Variants in LTBP1 observed in about 807,000 individuals in gnomAD.
LTBP1 encodes the protein latent-transforming growth factor beta-binding protein 1.
LTBP1 carries 129 observed loss-of-function variants against 207.6 expected under a neutral mutation model. That is an observed-to-expected ratio of 0.62 (90% CI 0.54 to 0.72). LTBP1 has a LOEUF of 0.72. LTBP1 is among the 30% of genes least tolerant of loss of function. LTBP1 has a pLI of 0.00. For synonymous variants in LTBP1, 963 were observed against 833.7 expected (o/e 1.16, Z -2.67); for missense variants, 2,281 against 2,217.2 (o/e 1.03, Z -0.58).
At chr2:33,088,537 A>T (rs1441895210) in intron 3 of LTBP1, among the ~76,000 whole-genome samples, 1 of 152,178 alleles carries the variant, frequency 6.6e-6, no homozygotes, top group Non-Finnish European at 1.5e-5. Context: ...TGATTTGCAC[A>T]TGCTGACGCC....
At chr2:33,132,762 C>T (rs2081891239) in intron 4 of LTBP1, among the ~76,000 whole-genome samples, 1 of 152,198 alleles carries the variant, frequency 6.6e-6, no homozygotes, top group Non-Finnish European at 1.5e-5. Context: ...GGGCTTTCTC[C>T]TCCAGAGGAA....
chr2:33,392,389 G>T (rs556692678), intron 32 of LTBP1, among the ~76,000 whole-genome samples: 1 of 152,070 alleles, frequency 6.6e-6, no homozygotes, highest in African/African-American at 2.4e-5. Flanking sequence ...GTTTCACCAC[G>T]TTGGCCAGGG....
At chr2:33,125,428 C>T (rs914510419) in intron 4 of LTBP1, among the ~76,000 whole-genome samples, 3 of 152,076 alleles carry the variant, frequency 2.0e-5, no homozygotes, top group African/African-American at 4.8e-5. Context: ...CATTTAGTAT[C>T]GTCCATAATT....
intron 10 of LTBP1, among the ~76,000 whole-genome samples, chr2:33,247,039 C>T (rs904529331): frequency 5.9e-5 from 9 of 152,184 alleles, no homozygotes; most frequent in Admixed American, 4.6e-4. Context: ...GCAGGAACTT[C>T]AGAGCTCCAG....
At chr2:33,172,082 G>C in intron 5 of LTBP1, among the ~76,000 whole-genome samples, 1 of 152,146 alleles carries the variant, frequency 6.6e-6, no homozygotes, top group Non-Finnish European at 1.5e-5. Context: ...ATCGAGGCTA[G>C]GAAGAAACTG....
chr2:33,163,130 T>C (rs2084605110), intron 5 of LTBP1, among the ~76,000 whole-genome samples: 1 of 152,152 alleles, frequency 6.6e-6, no homozygotes, highest in South Asian at 2.1e-4. Flanking sequence ...TACAGGTGCA[T>C]GCCACCACGC....
intron 11 of LTBP1, among the ~76,000 whole-genome samples, chr2:33,255,043 C>T (rs1184240540): frequency 7.2e-6 from 1 of 138,830 alleles, no homozygotes; most frequent in Non-Finnish European, 1.5e-5. Flanking sequence ...CGTCATCTAG[C>T]ATTAGGTATA....
intron 5 of LTBP1, among the ~76,000 whole-genome samples, chr2:33,172,101 A>G (rs2085513526): frequency 6.6e-6 from 1 of 152,206 alleles, no homozygotes; most frequent in Non-Finnish European, 1.5e-5. Context: ...TGCATCAACT[A>G]ACGAGCAAAA....
At chr2:33,187,407 G>C (rs947000229) in intron 6 of LTBP1, among the ~76,000 whole-genome samples, 3 of 152,170 alleles carry the variant, frequency 2.0e-5, no homozygotes, top group African/African-American at 7.2e-5. Context: ...GCAAGACAGT[G>C]TTCTGGCCCT....
In LTBP1 at chr2:33,330,244, T is replaced by C. The variant is rs2123773; in HGVS notation, c.3731-12594T>C. Among the ~76,000 whole-genome samples, 58 of 152,222 alleles carry C rather than the reference T, an allele frequency of 3.8e-4. 1 individual carries two copies. The South Asian group carries it at 0.012, about 32-fold the overall frequency. On this transcript the variant is annotated intron_variant, in intron 24 of 33. Transcript: ENST00000404816. ...GTATCCATGACCTTGCTAAATCTGC[T>C]TGTTAATTCTAGCAGTTTATATGCA... is the stretch of plus-strand genomic sequence containing the variant.
At chr2:33,009,381 T>G (rs1042142029) in intron 2 of LTBP1, among the ~76,000 whole-genome samples, 3 of 152,186 alleles carry the variant, frequency 2.0e-5, no homozygotes, top group East Asian at 1.9e-4. Context: ...AATGTGAGCT[T>G]CTTTGGACAT....
In LTBP1 at chr2:33,052,724, T is replaced by A. The variant is rs140141573; in HGVS notation, c.863+31518T>A. 3.5e-3 allele frequency among the ~76,000 whole-genome samples: 532 copies of A among 152,334 alleles called. 4 individuals carry two copies. Among genetic ancestry groups the A allele is most frequent in the African/African-American group, 0.012 (507 of 41,576 alleles). On this transcript the variant is annotated intron_variant, in intron 3 of 33. Coordinates refer to ENST00000404816, the MANE Select transcript of LTBP1 (RefSeq NM_206943.4). ...ATGGAGGATTTCTCCCTTTTCACCC[T>A]TGTATTTATTTAATCGTTTAGTTGT...
chr2:33,019,643 C>G (rs1433753003), intron 2 of LTBP1, among the ~76,000 whole-genome samples: 1 of 149,470 alleles, frequency 6.7e-6, no homozygotes, highest in Non-Finnish European at 1.5e-5. Context: ...CCAGTAGCAT[C>G]TAAACTTCTA....
At chr2:33,010,515 A>T (rs928118032) in intron 2 of LTBP1, among the ~76,000 whole-genome samples, 1 of 152,140 alleles carries the variant, frequency 6.6e-6, no homozygotes, top group Non-Finnish European at 1.5e-5. Flanking sequence ...GCTAGGAGAG[A>T]GGACTTGAAA....
At chr2:33,059,648 G>C (rs576849412) in intron 3 of LTBP1, among the ~76,000 whole-genome samples, 2 of 152,336 alleles carry the variant, frequency 1.3e-5, no homozygotes, top group South Asian at 4.1e-4. Context: ...CAGGGGGTCA[G>C]ATTCAGTTAC....
chr2:33,224,811 A>G (rs1256869646), intron 9 of LTBP1, among the ~76,000 whole-genome samples: 2 of 152,094 alleles, frequency 1.3e-5, no homozygotes, highest in African/African-American at 4.8e-5. Flanking sequence ...TTTTTCTTGA[A>G]TTAGGCTTGC....
intron 7 of LTBP1, among the ~76,000 whole-genome samples, chr2:33,196,569 A>G (rs1294804583): frequency 6.6e-6 from 1 of 152,168 alleles, no homozygotes; most frequent in Admixed American, 6.6e-5. Context: ...TTTTGTGAGG[A>G]ATCAAGCATC....
At chr2:33,210,472 T>A (rs1246332982) in intron 7 of LTBP1, among the ~76,000 whole-genome samples, 1 of 152,190 alleles carries the variant, frequency 6.6e-6, no homozygotes, top group East Asian at 1.9e-4. Flanking sequence ...CTCTTTCTCC[T>A]TTTCCTCCTC....
At chr2:33,255,345 A>T (rs569684009) in intron 11 of LTBP1, among the ~76,000 whole-genome samples, 1 of 152,148 alleles carries the variant, frequency 6.6e-6, no homozygotes, top group African/African-American at 2.4e-5. Context: ...GGTGCTGGAG[A>T]GGATGTGGAG....
Sources: allele counts gnomAD v4.1 joint callset (sites outside exome capture counted in the v4.1 genomes callset), GRCh38; gene constraint gnomAD v4.1.1; transcripts MANE v1.5; gene names NCBI Gene and HGNC (gene_info 2026-07-23, HGNC 2026-07-21).